SHANK2: variants seen among roughly 807,000 people sequenced by gnomAD.
SHANK2 encodes the protein SH3 and multiple ankyrin repeat domains 2, also known as SH3 and multiple ankyrin repeat domains protein 2.
A neutral mutation model predicts 133.7 loss-of-function variants in SHANK2; 43 were observed. The observed-to-expected ratio is 0.32, with a 90% CI of 0.25 to 0.41. The LOEUF (loss-of-function observed/expected upper bound fraction) is 0.41. Among genes scored for constraint, SHANK2 ranks in the 10% least tolerant of loss-of-function variants. The pLI, the probability that SHANK2 is intolerant of heterozygous loss-of-function variation, is 1.00. For synonymous variants in SHANK2, 1,017 were observed against 952.8 expected (o/e 1.07, Z -1.24); for missense variants, 1,994 against 2,235.8 (o/e 0.89, Z 2.18).
intron 25 of SHANK2, among the ~76,000 whole-genome samples, chr11:70,484,494 T>C (rs1555152463): frequency 2.0e-5 from 3 of 152,120 alleles, no homozygotes; most frequent in Non-Finnish European, 2.9e-5. Context: ...ATGCTTCCCA[T>C]ATAGCCTGCA....
At chr11:70,589,096 C>T (rs112032531) in intron 17 of SHANK2, among the ~76,000 whole-genome samples, 7,705 of 152,278 alleles carry the variant, frequency 0.051, 439 homozygotes, top group African/African-American at 0.14. Context: ...GGATTACAGG[C>T]GTGAGCCACT....
At chr11:70,810,703 A>T (rs782006154) in intron 12 of SHANK2, among the ~76,000 whole-genome samples, 9 of 152,142 alleles carry the variant, frequency 5.9e-5, no homozygotes, top group Non-Finnish European at 1.3e-4. Flanking sequence ...TTATTTGTAA[A>T]ATAGGTGGTA....
chr11:70,874,869 T>C (rs912694096), intron 11 of SHANK2, among the ~76,000 whole-genome samples: 8 of 152,096 alleles, frequency 5.3e-5, no homozygotes, highest in African/African-American at 1.7e-4. Context: ...GGAATGGTGA[T>C]CACAGGGCAT....
chr11:70,859,877 C>T lies in SHANK2; in HGVS notation c.1174+36624G>A, dbSNP rs114240680. ...GACAGATGACCAGACTCTGGAGCAC[C>T]GCACCTCCAGGGACAGTCAGAAACC... On this transcript the variant is annotated intron_variant, in intron 11 of 25. Coordinates refer to ENST00000601538, the MANE Select transcript of SHANK2 (RefSeq NM_012309.5). Among the ~76,000 whole-genome samples, 981 of 152,242 alleles carry T rather than the reference C, an allele frequency of 6.4e-3. 10 individuals carry two copies. Among genetic ancestry groups the T allele is most frequent in the African/African-American group, 0.021 (883 of 41,538 alleles).
chr11:71,237,320 G>T (rs1383186450), intron 1 of SHANK2, among the ~76,000 whole-genome samples: 1 of 152,126 alleles, frequency 6.6e-6, no homozygotes, highest in African/African-American at 2.4e-5. Context: ...GCCAATTCTA[G>T]CCCCAGCCTG....
intron 15 of SHANK2, among the ~76,000 whole-genome samples, chr11:70,688,571 T>C (rs930625807): frequency 7.9e-5 from 12 of 152,214 alleles, no homozygotes; most frequent in African/African-American, 2.9e-4. Context: ...TGAAATTATA[T>C]ATTTCACAGA....
At chr11:70,761,068 C>T (rs887316856) in intron 14 of SHANK2, among the ~76,000 whole-genome samples, 4 of 152,172 alleles carry the variant, frequency 2.6e-5, no homozygotes, top group African/African-American at 9.7e-5. Context: ...GGACCCTCCT[C>T]TATCAGTGTG....
chr11:70,726,185 CAGAAGCAGCG>C (rs1450790110), intron 14 of SHANK2, among the ~76,000 whole-genome samples: 1 of 152,184 alleles, frequency 6.6e-6, no homozygotes, highest in Non-Finnish European at 1.5e-5. Flanking sequence ...GAACCTAACA[CAGAAGCAGCG>C]AGTACAGAGG....
At chr11:70,780,030 C>T (rs1555044805) in intron 14 of SHANK2, among the ~76,000 whole-genome samples, 1 of 152,182 alleles carries the variant, frequency 6.6e-6, no homozygotes. Context: ...AGCCCTGGAG[C>T]TGCCAGGCAC....
At position 70,500,029 on chromosome 11, in the gene SHANK2, C is replaced by T. The variant is rs1447873923; in HGVS notation, c.2308+541G>A. 9.9e-5 allele frequency among the ~76,000 whole-genome samples: 15 copies of T among 152,142 alleles called. No homozygotes were observed. The highest frequency in any genetic ancestry group is 3.6e-4 in the African/African-American group (15 of 41,442). On this transcript the variant is annotated intron_variant, in intron 21 of 25. Coordinates refer to ENST00000601538, the MANE Select transcript of SHANK2 (RefSeq NM_012309.5). The surrounding 1 kb of genome is among the most constrained non-coding windows in gnomAD (Gnocchi z 4.5). ...GGAACCTGAGTCTATCTGGGGCCTG[C>T]GGTCCGGCTGCCCACAGCCACAGTG... is the stretch of plus-strand genomic sequence containing the variant.
At chr11:70,516,440 C>T (rs2059267394) in intron 17 of SHANK2, among the ~76,000 whole-genome samples, 1 of 152,206 alleles carries the variant, frequency 6.6e-6, no homozygotes, top group African/African-American at 2.4e-5. Flanking sequence ...AGAGACAGAC[C>T]TGAAATCTTT....
chr11:70,686,313 T>C lies in SHANK2; in HGVS notation c.1853+12375A>G, dbSNP rs116899087. 3.1e-3 allele frequency among the ~76,000 whole-genome samples: 408 copies of C among 130,308 alleles called. 15 individuals are homozygous for C. In the East Asian group the frequency reaches 0.087, roughly 28 times the overall value. The allele number at this position is 130,308 out of a possible 152,430, so 85.5% of individuals were successfully genotyped here. A position where few individuals can be genotyped will look rare whatever the true frequency, so the allele number is the denominator to read the frequency against. ...ATCCATCCTTCCTTCCATCTATCCATCATCCATCTACCCATCCATCCACTC... is the reference window on the plus strand; with the variant it reads ...ATCCATCCTTCCTTCCATCTATCCACCATCCATCTACCCATCCATCCACTC... On this transcript the variant is annotated intron_variant, in intron 15 of 25. Transcript: ENST00000601538.
intron 14 of SHANK2, among the ~76,000 whole-genome samples, chr11:70,737,981 G>A (rs1946440547): frequency 6.6e-6 from 1 of 152,244 alleles, no homozygotes; most frequent in Non-Finnish European, 1.5e-5. Flanking sequence ...CCAGAATCTG[G>A]GCCCAGGCCT....
At chr11:70,702,300 A>G (rs1555023903) in intron 14 of SHANK2, among the ~76,000 whole-genome samples, 3 of 150,686 alleles carry the variant, frequency 2.0e-5, no homozygotes, top group South Asian at 4.3e-4. Flanking sequence ...CATCTTCTTC[A>G]CCATCATCAC....
At chr11:70,704,707 G>A (rs532422662) in intron 14 of SHANK2, among the ~76,000 whole-genome samples, 1 of 152,242 alleles carries the variant, frequency 6.6e-6, no homozygotes, top group African/African-American at 2.4e-5. Flanking sequence ...GCTCATGGCG[G>A]AAGACAGAAC....
intron 4 of SHANK2, among the ~76,000 whole-genome samples, chr11:71,116,467 T>C (rs1017528337): frequency 6.6e-6 from 1 of 152,212 alleles, no homozygotes; most frequent in African/African-American, 2.4e-5. Context: ...CGTGGAAATG[T>C]GTAGGGCTGC....
At chr11:70,497,422 C>T (rs575269719) in intron 21 of SHANK2, among the ~76,000 whole-genome samples, 37 of 152,260 alleles carry the variant, frequency 2.4e-4, no homozygotes, top group South Asian at 1.7e-3. Context: ...ATGAATTGTT[C>T]GGTGACAGAA....
At chr11:71,140,635 C>T (rs1380002769) in intron 3 of SHANK2, among the ~76,000 whole-genome samples, 2 of 152,324 alleles carry the variant, frequency 1.3e-5, no homozygotes, top group African/African-American at 2.4e-5. Flanking sequence ...CCCAGGAGAA[C>T]AGAAACAGTA....
intron 11 of SHANK2, among the ~76,000 whole-genome samples, chr11:70,829,169 A>G (rs1948690334): frequency 6.6e-6 from 1 of 152,122 alleles, no homozygotes; most frequent in Non-Finnish European, 1.5e-5. Flanking sequence ...GCAGGGGACA[A>G]AATGGAGCCT....
Sources: allele counts gnomAD v4.1 joint callset (sites outside exome capture counted in the v4.1 genomes callset), GRCh38; gene constraint gnomAD v4.1.1; non-coding constraint Gnocchi (gnomAD v3.1); transcripts MANE v1.5; gene names NCBI Gene and HGNC (gene_info 2026-07-23, HGNC 2026-07-21).